ADAMTS3: variants seen among roughly 807,000 people sequenced by gnomAD.
ADAMTS3 encodes the protein ADAM metallopeptidase with thrombospondin type 1 motif 3, also known as A disintegrin and metalloproteinase with thrombospondin motifs 3.
Under a neutral mutation model 129.0 loss-of-function variants are expected in ADAMTS3, and 73 were observed. The ratio of observed to expected loss-of-function variants is 0.57; its 90% confidence interval spans 0.47 to 0.69. The LOEUF (loss-of-function observed/expected upper bound fraction) is 0.69, where lower values mean the gene tolerates loss of function less well. Ranked by LOEUF, ADAMTS3 falls within the 30% of genes least tolerant of loss-of-function variation. The pLI, the probability that ADAMTS3 is intolerant of heterozygous loss-of-function variation, is 0.00. For synonymous variants in ADAMTS3, 477 were observed against 510.8 expected (o/e 0.93, Z 0.89); for missense variants, 1,457 against 1,514.5 (o/e 0.96, Z 0.63).
intron 3 of ADAMTS3, among the ~76,000 whole-genome samples, chr4:72,486,044 C>G (rs1289966565): frequency 6.6e-6 from 1 of 152,220 alleles, no homozygotes; most frequent in African/African-American, 2.4e-5. Flanking sequence ...CCCATTCTTA[C>G]ATGTTTCCAT....
chr4:72,334,139 A>G (rs1301432519), intron 5 of ADAMTS3, among the ~76,000 whole-genome samples: 1 of 151,942 alleles, frequency 6.6e-6, no homozygotes, highest in Admixed American at 6.6e-5. Flanking sequence ...AGGAGAAAGA[A>G]GGTTTTCTTA....
chr4:72,485,708 A>C (rs771948539), intron 3 of ADAMTS3, among the ~76,000 whole-genome samples: 1 of 152,202 alleles, frequency 6.6e-6, no homozygotes, highest in Non-Finnish European at 1.5e-5. Flanking sequence ...TTCTAAATAT[A>C]ACAACTGCTA....
Position 72,420,140 on chromosome 4 carries a change from C to T in ADAMTS3, c.505-5169G>A, listed in dbSNP as rs763588101. ...AACTTTCGAAGGTCTCCCCTTCTCA[C>T]CTAGATTAATAACCAAAGTTCCTAC... is the stretch of plus-strand genomic sequence containing the variant. On this transcript the variant is annotated intron_variant, in intron 3 of 21. Transcript: ENST00000286657. Among the ~76,000 whole-genome samples the T allele has an allele frequency of 2.0e-3, 307 of 152,234 alleles. 3 individuals are homozygous for T. Among genetic ancestry groups the T allele is most frequent in the Non-Finnish European group, 2.9e-3 (195 of 68,004 alleles).
At chr4:72,347,146 A>G (rs933508250) in intron 4 of ADAMTS3, among the ~76,000 whole-genome samples, 1 of 152,076 alleles carries the variant, frequency 6.6e-6, no homozygotes, top group African/African-American at 2.4e-5. Context: ...GAAAGTGGAG[A>G]CTACTAATAG....
At chr4:72,551,971 T>G (rs1721657261) in intron 2 of ADAMTS3, among the ~76,000 whole-genome samples, 1 of 152,194 alleles carries the variant, frequency 6.6e-6, no homozygotes. Flanking sequence ...CATCAGAAAT[T>G]TCTGTAAAAG....
intron 3 of ADAMTS3, among the ~76,000 whole-genome samples, chr4:72,544,716 T>C (rs998159948): frequency 6.6e-6 from 1 of 152,210 alleles, no homozygotes; most frequent in Non-Finnish European, 1.5e-5. Flanking sequence ...TTCTTTATTA[T>C]CTTCAAAAAC....
At chr4:72,393,283 G>A (rs74647340) in intron 4 of ADAMTS3, among the ~76,000 whole-genome samples, 80 of 152,164 alleles carry the variant, frequency 5.3e-4, no homozygotes, top group African/African-American at 1.9e-3. Context: ...ATATAATCTC[G>A]ATATGTTAGA....
At chr4:72,349,167 T>C (rs1179323328) in intron 4 of ADAMTS3, among the ~76,000 whole-genome samples, 1 of 152,046 alleles carries the variant, frequency 6.6e-6, no homozygotes, top group African/African-American at 2.4e-5. Flanking sequence ...GCTAAACTTA[T>C]CTGAGCTTCA....
At chr4:72,543,347 G>A (rs1249695086) in intron 3 of ADAMTS3, among the ~76,000 whole-genome samples, 1 of 152,122 alleles carries the variant, frequency 6.6e-6, no homozygotes, top group Admixed American at 6.5e-5. Flanking sequence ...ATATGATCCA[G>A]CAGTGTCACT....
At chr4:72,531,008 A>C (rs1721028055) in intron 3 of ADAMTS3, among the ~76,000 whole-genome samples, 1 of 150,922 alleles carries the variant, frequency 6.6e-6, no homozygotes, top group Non-Finnish European at 1.5e-5. Flanking sequence ...AAATCTTGTA[A>C]ACAGAACATT....
Position 72,320,784 on chromosome 4 carries a change from G to A in ADAMTS3, c.1032C>T (p.Leu344=). The A allele has an allele frequency of 6.2e-7, 1 of 1,613,984 alleles. No homozygotes were observed. The highest frequency in any genetic ancestry group is 1.1e-5 in the South Asian group (1 of 91,084). ...RWASQQQRSD[L]NHSEHHDHAI... ...CATGGTCATGGTGTTCAGAGTGGTT[G>A]AGATCAGATCTTTGCTGTTGGGACG... Residue 344 remains leucine (L), a synonymous_variant, in exon 7 of 22, where the codon CTC becomes CTT. Transcript: ENST00000286657.
chr4:72,362,335 T>C (rs1000699746), intron 4 of ADAMTS3, among the ~76,000 whole-genome samples: 1 of 152,126 alleles, frequency 6.6e-6, no homozygotes, highest in Non-Finnish European at 1.5e-5. Context: ...ATCTGGGAAT[T>C]CTAAATGTGT....
At chr4:72,382,595 C>T (rs887820923) in intron 4 of ADAMTS3, among the ~76,000 whole-genome samples, 2 of 152,178 alleles carry the variant, frequency 1.3e-5, no homozygotes, top group African/African-American at 2.4e-5. Context: ...ACGTTTACTG[C>T]AGCACTATTC....
chr4:72,414,054 T>C (rs1226927282), intron 4 of ADAMTS3, among the ~76,000 whole-genome samples: 1 of 151,870 alleles, frequency 6.6e-6, no homozygotes, highest in African/African-American at 2.4e-5. Context: ...ATCCATGTCA[T>C]TTCCCTAAAA....
rs542884998 is a variant in ADAMTS3 at position 72,454,762 on chromosome 4, T to C, written c.505-39791A>G. On this transcript the variant is annotated intron_variant, in intron 3 of 21. Transcript: ENST00000286657. ...ACACAGTGCCCAGCCTGGAAGTGTA[T>C]GAGCAGTGGAGGAGAAACAGGGTTT... 1.0e-3 allele frequency among the ~76,000 whole-genome samples: 156 copies of C among 151,748 alleles called. 2 individuals carry two copies. The Middle Eastern group carries it at 0.014, about 13-fold the overall frequency.
intron 3 of ADAMTS3, among the ~76,000 whole-genome samples, chr4:72,417,063 C>T (rs191015136): frequency 1.8e-3 from 279 of 152,238 alleles, no homozygotes; most frequent in African/African-American, 6.4e-3. Context: ...TTTCAGTATT[C>T]ATCTTTATTA....
intron 4 of ADAMTS3, among the ~76,000 whole-genome samples, chr4:72,400,975 T>C (rs1721898677): frequency 2.0e-5 from 3 of 149,604 alleles, no homozygotes; most frequent in African/African-American, 7.3e-5. Flanking sequence ...GTACACACAC[T>C]ATGGTGCAAA....
At chr4:72,354,646 C>T (rs1036061568) in intron 4 of ADAMTS3, among the ~76,000 whole-genome samples, 2 of 151,922 alleles carry the variant, frequency 1.3e-5, no homozygotes, top group East Asian at 1.9e-4. Context: ...CAGGACATTT[C>T]AACATTGACA....
At chr4:72,431,048 A>G (rs1008811609) in intron 3 of ADAMTS3, among the ~76,000 whole-genome samples, 11 of 152,002 alleles carry the variant, frequency 7.2e-5, no homozygotes, top group Admixed American at 7.2e-4. Context: ...TTTTTGTTAG[A>G]CTTATTAGAA....
Sources: allele counts gnomAD v4.1 joint callset (sites outside exome capture counted in the v4.1 genomes callset), GRCh38; gene constraint gnomAD v4.1.1; transcripts MANE v1.5; gene names NCBI Gene and HGNC (gene_info 2026-07-23, HGNC 2026-07-21).